DPH6: variants seen among roughly 807,000 people sequenced by gnomAD.
The protein encoded by DPH6 is diphthine--ammonia ligase.
DPH6 carries 33 observed loss-of-function variants against 38.2 expected under a neutral mutation model. The ratio of observed to expected loss-of-function variants is 0.86; its 90% confidence interval spans 0.65 to 1.15. DPH6 has a LOEUF of 1.15. DPH6 is among the 50% of genes most tolerant of loss of function. The pLI is 0.00. For synonymous variants in DPH6, 108 were observed against 103.0 expected, an observed-to-expected ratio of 1.05 and a Z score of -0.30; for missense variants, 325 against 320.0, an observed-to-expected ratio of 1.02 and a Z score of -0.12.
At chr15:35,394,822 A>G (rs573709416) in intron 6 of DPH6, among the ~76,000 whole-genome samples, 1 of 152,318 alleles carries the variant, frequency 6.6e-6, no homozygotes, top group African/African-American at 2.4e-5. Flanking sequence ...CATATACTCA[A>G]TAAAGGGGCT....
intron 5 of DPH6, among the ~76,000 whole-genome samples, chr15:35,422,009 G>A (rs946165373): frequency 3.9e-5 from 6 of 151,904 alleles, no homozygotes; most frequent in Non-Finnish European, 5.9e-5. Flanking sequence ...ATATAATACC[G>A]GTGAATTGGA....
At chr15:35,385,750 A>T (rs2052944302) in intron 6 of DPH6, among the ~76,000 whole-genome samples, 1 of 152,166 alleles carries the variant, frequency 6.6e-6, no homozygotes, top group South Asian at 2.1e-4. Context: ...GTATCCCAGA[A>T]CTTAAAGTAT....
intron 3 of DPH6, among the ~76,000 whole-genome samples, chr15:35,528,274 G>T (rs1313387232): frequency 6.6e-6 from 1 of 152,028 alleles, no homozygotes; most frequent in Non-Finnish European, 1.5e-5. Flanking sequence ...AACCCATATT[G>T]ATATGAAGCA....
chr15:35,312,643 G>T lies in DPH6; in HGVS notation n.200+60878C>A, dbSNP rs147393098. ...GGAATAACAGACATGACACAAAACA[G>T]GACAGGAGGGGAAAAAACCCAGATC... On this transcript the variant is annotated intron_variant and non_coding_transcript_variant, in intron 3 of 3. Transcript: ENST00000560386. Among the ~76,000 whole-genome samples, 243 of 152,186 alleles carry T rather than the reference G, an allele frequency of 1.6e-3. 2 individuals carry two copies. The highest frequency in any genetic ancestry group is 5.4e-3 in the African/African-American group (225 of 41,520).
chr15:35,268,227 T>C (rs1365712966), intron 3 of DPH6, among the ~76,000 whole-genome samples: 1 of 150,140 alleles, frequency 6.7e-6, no homozygotes, highest in African/African-American at 2.4e-5. Context: ...AAAAGAAAAC[T>C]GAAGGAGTTT....
At chr15:35,279,085 A>AT (rs2051880208) in intron 3 of DPH6, among the ~76,000 whole-genome samples, 3 of 145,432 alleles carry the variant, frequency 2.1e-5, no homozygotes, top group South Asian at 2.1e-4. Context: ...ATATATATAT[A>AT]ATTTTGGAGC....
chr15:35,373,624 T>G lies in DPH6; in HGVS notation c.663-16A>C. ...TGATGAATCCCTGAAATACAAAAAT[T>G]TTACAATACATTTATATGCTACAAA... On this transcript the variant is annotated splice_polypyrimidine_tract_variant and intron_variant, in intron 7 of 8. Transcript: ENST00000256538. 6.3e-7 allele frequency: 1 copy of G among 1,597,122 alleles called. No homozygotes were observed. Among genetic ancestry groups the G allele is most frequent in the Non-Finnish European group, 8.5e-7 (1 of 1,171,442 alleles).
At chr15:35,238,725 G>A (rs2051575521) in intron 3 of DPH6, among the ~76,000 whole-genome samples, 1 of 152,134 alleles carries the variant, frequency 6.6e-6, no homozygotes, top group South Asian at 2.1e-4. Flanking sequence ...CACAAAAGAA[G>A]TGAAAAGGCC....
intron 2 of DPH6, among the ~76,000 whole-genome samples, chr15:35,539,009 T>A (rs1473469762): frequency 6.6e-6 from 1 of 152,066 alleles, no homozygotes; most frequent in East Asian, 1.9e-4. Flanking sequence ...TATTCAATAT[T>A]GTTAGAGCAT....
chr15:35,291,192 G>C (rs1595463432), intron 3 of DPH6, among the ~76,000 whole-genome samples: 1 of 152,104 alleles, frequency 6.6e-6, no homozygotes, highest in Non-Finnish European at 1.5e-5. Context: ...TAGTAATCCA[G>C]GTAAATTACA....
At chr15:35,219,716 G>A (rs2051430552) in exon 4 of DPH6, 1 of 152,100 alleles carries the variant, frequency 6.6e-6, no homozygotes, top group Non-Finnish European at 1.5e-5. Flanking sequence ...CAAGTACATT[G>A]ACAAAGTCCA....
rs1471496755 is a variant in DPH6, at chr15:35,243,341, C to A, written n.201-22759G>T. Among the ~76,000 whole-genome samples the A allele has an allele frequency of 5.0e-5, 7 of 141,144 alleles. 1 individual carries two copies. The highest frequency in any genetic ancestry group is 1.8e-4 in the African/African-American group (7 of 38,820). The allele number at this position is 141,144 out of a possible 152,430, so 92.6% of individuals were successfully genotyped here. A position where few individuals can be genotyped will look rare whatever the true frequency, so the allele number is the denominator to read the frequency against. ...CTCCATACCACCCCCCAAAAATTTT[C>A]GCCGCCCCAACACTTCAACACTATT... On this transcript the variant is annotated intron_variant and non_coding_transcript_variant, in intron 3 of 3. Coordinates refer to the DPH6 transcript ENST00000560386.
the DPH6 span, among the ~76,000 whole-genome samples, chr15:35,149,773 T>C: frequency 6.6e-6 from 1 of 152,240 alleles, no homozygotes; most frequent in Non-Finnish European, 1.5e-5. Context: ...AATCAGTTAT[T>C]TCTATGGGCC....
At chr15:35,275,890 A>C (rs2051855032) in intron 3 of DPH6, among the ~76,000 whole-genome samples, 1 of 152,076 alleles carries the variant, frequency 6.6e-6, no homozygotes, top group East Asian at 1.9e-4. Context: ...GCAATTGTGA[A>C]TTGTGCTGCT....
At chr15:35,464,152 G>A (rs2054098809) in intron 3 of DPH6, among the ~76,000 whole-genome samples, 1 of 151,628 alleles carries the variant, frequency 6.6e-6, no homozygotes, top group Admixed American at 6.6e-5. Context: ...AAATTATCTG[G>A]GCGTGGTGGC....
intron 5 of DPH6, among the ~76,000 whole-genome samples, chr15:35,415,010 C>T (rs943846222): frequency 3.9e-5 from 6 of 151,900 alleles, no homozygotes; most frequent in African/African-American, 7.2e-5. Flanking sequence ...ACTGCTTTTG[C>T]CTGCTTCCTG....
At chr15:35,383,153 TTC>T (rs1286855219) in intron 6 of DPH6, among the ~76,000 whole-genome samples, 10 of 152,218 alleles carry the variant, frequency 6.6e-5, no homozygotes, top group Non-Finnish European at 2.9e-5. Context: ...TTTACTGAAG[TTC>T]TGTGTAATTT....
At chr15:35,452,485 ATCTCTCTC>A (rs58439057) in intron 4 of DPH6, among the ~76,000 whole-genome samples, 22 of 149,516 alleles carry the variant, frequency 1.5e-4, no homozygotes, top group Non-Finnish European at 1.8e-4. Flanking sequence ...GCCTATATTG[ATCTCTCTC>A]TCTCTCTCTC....
chr15:35,330,383 A>G (rs1245658551), downstream of DPH6, among the ~76,000 whole-genome samples: 1 of 152,184 alleles, frequency 6.6e-6, no homozygotes, highest in Non-Finnish European at 1.5e-5. Flanking sequence ...GAAAGATGCA[A>G]AACAAAATGG....
Sources: allele counts gnomAD v4.1 joint callset (sites outside exome capture counted in the v4.1 genomes callset), GRCh38; gene constraint gnomAD v4.1.1; transcripts MANE v1.5; gene names NCBI Gene and HGNC (gene_info 2026-07-23, HGNC 2026-07-21).